ZNF407: variants seen among roughly 807,000 people sequenced by gnomAD.
ZNF407 encodes the protein zinc finger protein 407.
ZNF407 carries 17 observed loss-of-function variants against 131.2 expected under a neutral mutation model. The ratio of observed to expected loss-of-function variants is 0.13; its 90% CI spans 0.09 to 0.19. The LOEUF (loss-of-function observed/expected upper bound fraction) is 0.19. Among genes scored for constraint, ZNF407 ranks in the 10% least tolerant of loss-of-function variants. The probability of loss-of-function intolerance (pLI) is 1.00; values close to 1 mark genes in which losing one functional copy is unlikely to be tolerated. For synonymous variants in ZNF407, 1,156 were observed against 1,062.0 expected, an observed-to-expected ratio of 1.09 and a Z score of -1.72; for missense variants, 2,681 against 2,830.6, an observed-to-expected ratio of 0.95 and a Z score of 1.20.
intron 3 of ZNF407, among the ~76,000 whole-genome samples, chr18:74,719,705 A>G (rs140644898): frequency 4.6e-4 from 70 of 152,280 alleles, no homozygotes; most frequent in Non-Finnish European, 7.4e-5. Context: ...ACTCAGCCCT[A>G]CTTTTTACTT....
intron 3 of ZNF407, among the ~76,000 whole-genome samples, chr18:74,716,069 C>T (rs531221484): frequency 6.6e-6 from 1 of 152,192 alleles, no homozygotes; most frequent in Non-Finnish European, 1.5e-5. Flanking sequence ...CTTAGAGACT[C>T]TCCCTTATTC....
chr18:74,619,971 A>G (rs1193287696), intron 1 of ZNF407, among the ~76,000 whole-genome samples: 2 of 152,070 alleles, frequency 1.3e-5, no homozygotes, highest in Non-Finnish European at 2.9e-5. Context: ...CTTTCTGCTT[A>G]ACTCGTAGAA....
intron 3 of ZNF407, among the ~76,000 whole-genome samples, chr18:74,671,610 C>A (rs1479061216): frequency 6.6e-6 from 1 of 152,140 alleles, no homozygotes; most frequent in Admixed American, 6.5e-5. Context: ...GAACATGCAG[C>A]ATTGGGTTTT....
chr18:74,653,498 A>G lies in ZNF407; in HGVS notation c.4802+12376A>G, dbSNP rs138878719. Among the ~76,000 whole-genome samples, 424 of 151,958 alleles carry G rather than the reference A, an allele frequency of 2.8e-3. 1 individual carries two copies. The highest frequency in any genetic ancestry group is 9.0e-3 in the African/African-American group (372 of 41,556). ...TATATTATTAATATATATTTGCAGAACTATTGTGAAATATTACTAACCATA... is the reference window on the plus strand; with the variant it reads ...TATATTATTAATATATATTTGCAGAGCTATTGTGAAATATTACTAACCATA... On this transcript the variant is annotated intron_variant, in intron 3 of 8. Transcript: ENST00000299687.
intron 8 of ZNF407, among the ~76,000 whole-genome samples, chr18:74,974,820 T>G (rs937700794): frequency 2.6e-5 from 4 of 152,322 alleles, no homozygotes; most frequent in Middle Eastern, 3.4e-3. Flanking sequence ...CCAAGGTCTA[T>G]CCTATGTATA....
At chr18:74,979,113 G>T (rs1391670000) in intron 8 of ZNF407, among the ~76,000 whole-genome samples, 1 of 152,102 alleles carries the variant, frequency 6.6e-6, no homozygotes, top group Admixed American at 6.5e-5. Flanking sequence ...CGACACCTGG[G>T]TGTGGTACGA....
chr18:74,938,106 C>G (rs1254207361), intron 8 of ZNF407, among the ~76,000 whole-genome samples: 2 of 152,112 alleles, frequency 1.3e-5, no homozygotes, highest in African/African-American at 4.8e-5. Context: ...ATGAGCGGGC[C>G]CCATAAAATT....
intron 7 of ZNF407, among the ~76,000 whole-genome samples, chr18:74,918,668 G>A (rs1971805426): frequency 6.6e-6 from 1 of 152,146 alleles, no homozygotes; most frequent in Admixed American, 6.5e-5. Flanking sequence ...CCCAAAGCAA[G>A]TTGAAAATAG....
chr18:74,626,761 G>T (rs985103215), intron 1 of ZNF407, among the ~76,000 whole-genome samples: 5 of 152,214 alleles, frequency 3.3e-5, no homozygotes, highest in Admixed American at 3.3e-4. Context: ...CAGGAGGCCA[G>T]ACCTCCCTTC....
chr18:74,840,849 A>T (rs968437781), intron 4 of ZNF407, among the ~76,000 whole-genome samples: 1 of 152,358 alleles, frequency 6.6e-6, no homozygotes, highest in Non-Finnish European at 1.5e-5. Context: ...TGTTTGAATT[A>T]TGCCAGTGGT....
intron 3 of ZNF407, among the ~76,000 whole-genome samples, chr18:74,754,332 T>A (rs1290807149): frequency 6.6e-6 from 1 of 152,212 alleles, no homozygotes; most frequent in African/African-American, 2.4e-5. Context: ...AAGGGTTTTT[T>A]GTGTCTCTTA....
chr18:74,796,095 T>A (rs766854828), intron 4 of ZNF407, among the ~76,000 whole-genome samples: 1 of 152,248 alleles, frequency 6.6e-6, no homozygotes, highest in Non-Finnish European at 1.5e-5. Flanking sequence ...TGGTATTTAG[T>A]ATATTTTTTA....
At chr18:74,746,764 C>G (rs1184372080) in intron 3 of ZNF407, among the ~76,000 whole-genome samples, 1 of 151,136 alleles carries the variant, frequency 6.6e-6, no homozygotes, top group Non-Finnish European at 1.5e-5. Flanking sequence ...GAAGGACCTG[C>G]CTGAAGCTGT....
At chr18:74,914,427 C>T (rs886356604) in intron 7 of ZNF407, among the ~76,000 whole-genome samples, 1 of 152,200 alleles carries the variant, frequency 6.6e-6, no homozygotes, top group Non-Finnish European at 1.5e-5. Context: ...TGTTGCTCAC[C>T]TTTCCCCTCC....
chr18:74,602,336 T>C (rs1044913747), intron 1 of ZNF407, among the ~76,000 whole-genome samples: 2 of 152,202 alleles, frequency 1.3e-5, no homozygotes, highest in Non-Finnish European at 2.9e-5. Flanking sequence ...TTGTCTTCTT[T>C]AAGTGTCATT....
intron 1 of ZNF407, among the ~76,000 whole-genome samples, chr18:74,610,043 A>G (rs1043769935): frequency 6.6e-6 from 1 of 152,228 alleles, no homozygotes; most frequent in East Asian, 1.9e-4. Flanking sequence ...TGGAAGAAAC[A>G]TATTGGATAT....
chr18:75,006,581 T>G (rs1972913170), intron 8 of ZNF407, among the ~76,000 whole-genome samples: 2 of 152,186 alleles, frequency 1.3e-5, no homozygotes, highest in African/African-American at 2.4e-5. Flanking sequence ...TCCTCCTTAT[T>G]ATTAATCTAT....
At chr18:74,659,877 G>T (rs1387819751) in intron 3 of ZNF407, among the ~76,000 whole-genome samples, 2 of 152,094 alleles carry the variant, frequency 1.3e-5, no homozygotes, top group African/African-American at 4.8e-5. Flanking sequence ...GCATTTGGTA[G>T]TATACAGAAA....
chr18:75,020,937 A>T (rs955426588), intron 8 of ZNF407, among the ~76,000 whole-genome samples: 1 of 152,140 alleles, frequency 6.6e-6, no homozygotes, highest in Admixed American at 6.5e-5. Context: ...GAGGAGAGCA[A>T]TCTGTGTGTC....
Sources: gnomAD v4.1 joint callset for allele counts (sites outside exome capture counted in the v4.1 genomes callset) on GRCh38, gnomAD v4.1.1 for gene constraint, MANE v1.5 for transcripts, NCBI Gene and HGNC (gene_info 2026-07-23, HGNC 2026-07-21) for gene names.